XKRX: variants seen among roughly 807,000 people sequenced by gnomAD.
XKRX encodes the protein XK-related protein 2.
XKRX carries 11 observed loss-of-function variants against 22.4 expected under a neutral mutation model. The ratio of observed to expected loss-of-function variants is 0.49; its 90% CI spans 0.31 to 0.81. The LOEUF (loss-of-function observed/expected upper bound fraction) is 0.81. XKRX is among the 40% of genes least tolerant of loss of function. XKRX has a pLI of 0.05. For synonymous variants in XKRX, 114 were observed against 132.2 expected (o/e 0.86, Z 0.94); for missense variants, 320 against 336.5 (o/e 0.95, Z 0.38).
the XKRX span, among the ~76,000 whole-genome samples, chrX:100,953,280 A>G: frequency 9.0e-6 from 1 of 110,934 alleles, no homozygotes; most frequent in African/African-American, 3.3e-5. Flanking sequence ...AAAGTGGGAC[A>G]CTGTCTAAAA....
chrX:100,911,849 G>A (rs1449900305), downstream of XKRX, among the ~76,000 whole-genome samples: 1 of 111,126 alleles, frequency 9.0e-6, no homozygotes. Flanking sequence ...CCTTGGGTGA[G>A]GGCAGCAGGT....
chrX:100,899,489 T>G, the XKRX span, among the ~76,000 whole-genome samples: 1 of 112,581 alleles, frequency 8.9e-6, no homozygotes, highest in Non-Finnish European at 1.9e-5. Context: ...CACTCCAGCC[T>G]GGGTGACAGA....
In XKRX at chrX:100,928,376, A is replaced by G. The variant is rs755871703; in HGVS notation, c.-72T>C. ...TCCCACCCATCCCCAAGAGAACCCT[A>G]TGGCCGCTACAGTCCAAGTATAGGT... is the stretch of plus-strand genomic sequence containing the variant. On this transcript the variant is annotated 5_prime_UTR_variant, in exon 1 of 3. Transcript: ENST00000372956. The G allele has an allele frequency of 2.6e-6, 3 of 1,169,563 alleles. No homozygotes were observed. The highest frequency in any genetic ancestry group is 4.9e-5 in the Admixed American group (2 of 40,727).
Position 100,928,636 on chromosome X carries a change from G to A in XKRX, c.-332C>T, listed in dbSNP as rs1332882466. The A allele has an allele frequency of 2.4e-6, 2 of 842,269 alleles. No individual in the cohort carries two copies. Among genetic ancestry groups the A allele is most frequent in the South Asian group, 5.3e-5 (1 of 18,790 alleles). The allele number at this position is 842,269 out of a possible 1,213,427, so 69.4% of individuals were successfully genotyped here. On this transcript the variant is annotated 5_prime_UTR_variant, in exon 1 of 3. It adds an upstream start codon to the 5' untranslated region. Transcript: ENST00000372956. ...CCATCCAGAGTCCAACTCCAGGGAC[G>A]TGAAGAGTCATGAGAACAGCGGCTT...
intron 2 of XKRX, among the ~76,000 whole-genome samples, chrX:100,917,698 G>GAAAGA (rs1569454785): frequency 9.8e-6 from 1 of 102,338 alleles, no homozygotes; most frequent in African/African-American, 3.7e-5. Context: ...AAGAAAGAAA[G>GAAAGA]AAAGAAAGAA....
downstream of XKRX, chrX:100,910,752 T>A: frequency 1.3e-6 from 1 of 744,567 alleles, no homozygotes; most frequent in Non-Finnish European, 2.1e-6. Context: ...GTAAACGCTA[T>A]GGATATCGTT....
the XKRX span, among the ~76,000 whole-genome samples, chrX:100,936,041 C>T: frequency 9.0e-6 from 1 of 111,089 alleles, no homozygotes; most frequent in African/African-American, 3.3e-5. Flanking sequence ...CTATATAGGC[C>T]TGAGTCTAGT....
rs762148934 is a variant in XKRX, at chrX:100,928,049, T to C, written c.256A>G (p.Ile86Val). The C allele has an allele frequency of 2.5e-6, 3 of 1,210,343 alleles. No individual in the cohort carries two copies. In the South Asian group the frequency reaches 5.3e-5, roughly 21 times the overall value. Residue 86 changes from isoleucine (I) to valine (V), a missense_variant, in exon 1 of 3, where the codon ATT becomes GTT. Transcript: ENST00000372956. Reference sequence around the variant, plus strand: ...TTGGCTAGATCTCTGTGGACAAAAATGAGGGTCAACTGGACCATAATGGAT... The same window carrying C: ...TTGGCTAGATCTCTGTGGACAAAAACGAGGGTCAACTGGACCATAATGGAT... ...FSSIMVQLTL[I>V]FVHRDLAKDK... is the part of the protein sequence containing the mutation.
the XKRX span, among the ~76,000 whole-genome samples, chrX:100,934,514 ACT>A: frequency 9.0e-6 from 1 of 111,563 alleles, no homozygotes; most frequent in Non-Finnish European, 1.9e-5. Context: ...GATGAAGCCC[ACT>A]GACATTATGG....
At chrX:100,902,860 C>T in the XKRX span, among the ~76,000 whole-genome samples, 2 of 109,214 alleles carry the variant, frequency 1.8e-5, no homozygotes, top group African/African-American at 3.3e-5. Context: ...ACGCCATTCT[C>T]CTGCCTCAGC....
the XKRX span, among the ~76,000 whole-genome samples, chrX:100,951,261 CAGAG>C: frequency 2.1e-5 from 2 of 94,222 alleles, no homozygotes; most frequent in East Asian, 3.3e-4. Flanking sequence ...AAAAGGAGGA[CAGAG>C]GGAGGGAGGG....
chrX:100,894,267 A>G, the XKRX span, among the ~76,000 whole-genome samples: 33 of 111,834 alleles, frequency 3.0e-4, no homozygotes, highest in African/African-American at 1.0e-3. Flanking sequence ...ACTCTGTCTC[A>G]AAATAATAAT....
At chrX:100,896,778 C>T in the XKRX span, among the ~76,000 whole-genome samples, 596 of 111,202 alleles carry the variant, frequency 5.4e-3, 2 homozygotes, top group African/African-American at 0.018. Context: ...TGCAGTGAGC[C>T]GTGATTGTGC....
At chrX:100,891,875 T>G in the XKRX span, among the ~76,000 whole-genome samples, 1 of 111,133 alleles carries the variant, frequency 9.0e-6, no homozygotes, top group Non-Finnish European at 1.9e-5. Flanking sequence ...CCTTATCTTA[T>G]ACTATATTAA....
At chrX:100,945,412 T>A in the XKRX span, among the ~76,000 whole-genome samples, 21 of 112,166 alleles carry the variant, frequency 1.9e-4, no homozygotes, top group Admixed American at 1.4e-3. Flanking sequence ...AGCTACCATG[T>A]CCAGCCCTGC....
chrX:100,934,099 C>G (rs2085528797), upstream of XKRX, among the ~76,000 whole-genome samples: 1 of 111,428 alleles, frequency 9.0e-6, no homozygotes, highest in Non-Finnish European at 1.9e-5. Context: ...TTTGTCTATT[C>G]TGGATAGAAT....
At chrX:100,937,484 G>A in the XKRX span, among the ~76,000 whole-genome samples, 5 of 111,978 alleles carry the variant, frequency 4.5e-5, no homozygotes, top group Non-Finnish European at 9.4e-5. Flanking sequence ...GGCAGAGAAG[G>A]ACTACTTGCA....
At chrX:100,925,423 A>G (rs1343432492) in intron 1 of XKRX, among the ~76,000 whole-genome samples, 2 of 111,987 alleles carry the variant, frequency 1.8e-5, no homozygotes, top group Admixed American at 9.5e-5. Flanking sequence ...TCCAGAGTAT[A>G]ATTTATGAGT....
the XKRX span, among the ~76,000 whole-genome samples, chrX:100,938,619 ACT>A: frequency 9.0e-6 from 1 of 110,834 alleles, no homozygotes; most frequent in African/African-American, 3.3e-5. Context: ...ACAGAGCAAG[ACT>A]CTGTCTCAAA....
Sources: gnomAD v4.1 joint callset for allele counts (sites outside exome capture counted in the v4.1 genomes callset) on GRCh38, gnomAD v4.1.1 for gene constraint, MANE v1.5 for transcripts, NCBI Gene and HGNC (gene_info 2026-07-23, HGNC 2026-07-21) for gene names.